The following PUM3 variants were observed in gnomAD, a reference collection of about 807,000 sequenced individuals.
The protein encoded by PUM3 is pumilio homolog 3.
A neutral mutation model predicts 84.0 loss-of-function variants in PUM3; 91 were observed. The ratio of observed to expected loss-of-function variants is 1.08; its 90% CI spans 0.91 to 1.29. The LOEUF is 1.29. Among genes scored for constraint, PUM3 ranks in the 50% most tolerant of loss-of-function variants. PUM3 has a pLI of 0.00. For synonymous variants in PUM3, 321 were observed against 266.7 expected, an observed-to-expected ratio of 1.20 and a Z score of -1.98; for missense variants, 1,067 against 767.5, an observed-to-expected ratio of 1.39 and a Z score of -4.61.
intron 13 of PUM3, among the ~76,000 whole-genome samples, chr9:2,813,576 C>T (rs2129801729): frequency 6.6e-6 from 1 of 152,310 alleles, no homozygotes; most frequent in Non-Finnish European, 1.5e-5. Context: ...AACATAAAAC[C>T]TCCTCTTAAG....
rs1470933513 is a variant in PUM3 at position 2,804,463 on chromosome 9, G to A, written c.1815C>T (p.Ser605=). Residue 605 remains serine (S), a splice_region_variant and synonymous_variant, in exon 18 of 18, where the codon AGC becomes AGT. Coordinates refer to ENST00000397885, the MANE Select transcript of PUM3 (RefSeq NM_014878.5). ...CTTCCAGGTCACAACTCTGGAGGAG[G>A]CTGAAGAGAGGAAAAAAATTAAATT... ...SVNRGAIILS[S]LLQSCDLEVA... 4 of 1,608,008 alleles carry A rather than the reference G, an allele frequency of 2.5e-6. No homozygotes were observed. Among genetic ancestry groups the A allele is most frequent in the African/African-American group, 1.3e-5 (1 of 74,412 alleles).
chr9:2,811,523 T>A lies in PUM3; in HGVS notation c.1473A>T (p.Leu491Phe). Residue 491 changes from leucine (L) to phenylalanine (F), a missense_variant, in exon 15 of 18, where the codon TTA becomes TTT. Transcript: ENST00000397885. ...ELLESISPAL[L>F]SYLQEHAQEV... The stretch of plus-strand genomic sequence containing the variant: ...CTTGGGCGTGTTCTTGCAGGTAGCT[T>A]AACAAAGCTGGAGAAATGGATTCTA... 1 of 1,614,156 alleles carries A rather than the reference T, an allele frequency of 6.2e-7. No homozygotes were observed. The highest frequency in any genetic ancestry group is 8.5e-7 in the Non-Finnish European group (1 of 1,180,012).
chr9:2,828,817 A>G, intron 8 of PUM3, 39 bp from the exon 9 acceptor site: 1 of 1,143,442 alleles, frequency 8.7e-7, no homozygotes, highest in Non-Finnish European at 1.3e-6. Flanking sequence ...TCTAAATTTA[A>G]TCAATTTTTT....
chr9:2,824,249 T>C (rs912051896), intron 11 of PUM3, among the ~76,000 whole-genome samples: 2 of 152,214 alleles, frequency 1.3e-5, no homozygotes, highest in African/African-American at 4.8e-5. Flanking sequence ...AAAGGCAGAA[T>C]TATGCTGACC....
chr9:2,832,181 C>T (rs1816001241), intron 5 of PUM3, among the ~76,000 whole-genome samples: 1 of 152,076 alleles, frequency 6.6e-6, no homozygotes, highest in Admixed American at 6.6e-5. Flanking sequence ...TTAAGTATCT[C>T]TTAAAAAAAT....
In PUM3 at chr9:2,812,842, T is replaced by G. The variant is rs143154804; in HGVS notation, c.1270-480A>C. 2.5e-3 allele frequency among the ~76,000 whole-genome samples: 386 copies of G among 152,342 alleles called. 1 individual carries two copies. The highest frequency in any genetic ancestry group is 9.2e-3 in the African/African-American group (381 of 41,580). ...TGGCCAGTATTTCTTGGGCCACTAT[T>G]ACTAGGGACATCACTTGCTGAGGTC... is the stretch of plus-strand genomic sequence containing the variant. On this transcript the variant is annotated intron_variant, in intron 13 of 17. Coordinates refer to ENST00000397885, the MANE Select transcript of PUM3 (RefSeq NM_014878.5).
At chr9:2,836,479 T>C (rs1337429397) in intron 3 of PUM3, among the ~76,000 whole-genome samples, 6 of 152,192 alleles carry the variant, frequency 3.9e-5, no homozygotes, top group Non-Finnish European at 7.3e-5. Context: ...CCACTGAACA[T>C]CGTTGACAGA....
chr9:2,816,669 C>G (rs765903252), intron 13 of PUM3, among the ~76,000 whole-genome samples: 3 of 152,276 alleles, frequency 2.0e-5, no homozygotes, highest in African/African-American at 7.2e-5. Context: ...TTGTCTCACA[C>G]CTGGCCTGGC....
At position 2,804,214 on chromosome 9, in the gene PUM3, C is replaced by A; in HGVS notation, c.*117G>T. On this transcript the variant is annotated 3_prime_UTR_variant, in exon 18 of 18. Transcript: ENST00000397885. ...AATAGATTCGTATACAAAGAAGAAA[C>A]ACATATACAGAGTACCCCAATTACC... The A allele has an allele frequency of 3.1e-6, 3 of 960,842 alleles. No individual in the cohort carries two copies. Among genetic ancestry groups the A allele is most frequent in the Non-Finnish European group, 4.6e-6 (3 of 655,342 alleles). The allele number at this position is 960,842 out of a possible 1,614,324, so 59.5% of individuals were successfully genotyped here. A position where few individuals can be genotyped will look rare whatever the true frequency, so the allele number is the denominator to read the frequency against.
intron 1 of PUM3, among the ~76,000 whole-genome samples, chr9:2,839,703 G>A (rs1190068100): frequency 6.6e-6 from 1 of 152,128 alleles, no homozygotes; most frequent in Non-Finnish European, 1.5e-5. Context: ...CTTCCTCAGG[G>A]CATTTAGAAC....
At chr9:2,809,591 A>G (rs969246836) in intron 16 of PUM3, among the ~76,000 whole-genome samples, 3 of 152,190 alleles carry the variant, frequency 2.0e-5, no homozygotes, top group African/African-American at 7.2e-5. Flanking sequence ...ACATGAATTC[A>G]TGATCTGTCA....
At chr9:2,836,134 C>G (rs532212380) in intron 3 of PUM3, among the ~76,000 whole-genome samples, 5 of 152,226 alleles carry the variant, frequency 3.3e-5, no homozygotes, top group African/African-American at 1.2e-4. Flanking sequence ...GGCATTTCCC[C>G]TCCTTCCTCT....
intron 5 of PUM3, 50 bp from the exon 6 acceptor site, chr9:2,831,394 TCTCA>T: frequency 8.5e-7 from 1 of 1,169,806 alleles, no homozygotes; most frequent in Non-Finnish European, 1.3e-6. Flanking sequence ...GACTTATGTT[TCTCA>T]CTAATTTATT....
rs1816096385 is a variant in PUM3, at chr9:2,835,392, T to A, written c.305-1226A>T. ...ATCATCACGCCATTGCACTTCACAG[T>A]CTGGGCAACAAAGTGAGACCCTCAA... On this transcript the variant is annotated intron_variant, in intron 3 of 17. Coordinates refer to ENST00000397885, the MANE Select transcript of PUM3 (RefSeq NM_014878.5). Among the ~76,000 whole-genome samples, 3 of 152,124 alleles carry A rather than the reference T, an allele frequency of 2.0e-5. No homozygotes were observed. In the South Asian group the frequency reaches 6.2e-4, roughly 32 times the overall value.
intron 1 of PUM3, among the ~76,000 whole-genome samples, chr9:2,843,735 T>G (rs375111890): frequency 1.3e-5 from 2 of 151,818 alleles, no homozygotes; most frequent in African/African-American, 4.8e-5. Context: ...CCCGCCACCA[T>G]GCCCGGCTAA....
chr9:2,814,010 T>C (rs927474117), intron 13 of PUM3, among the ~76,000 whole-genome samples: 13 of 55,050 alleles, frequency 2.4e-4, no homozygotes, highest in African/African-American at 1.3e-3. Flanking sequence ...GTATAAAGAT[T>C]CCCATGTAAC....
In PUM3 at chr9:2,810,393, C is replaced by G. The variant is rs772546579; in HGVS notation, c.1674G>C (p.Leu558=). The G allele has an allele frequency of 1.2e-6, 2 of 1,612,472 alleles. No individual in the cohort carries two copies. Among genetic ancestry groups the G allele is most frequent in the South Asian group, 2.2e-5 (2 of 90,924 alleles). ...TTTTATCTTGCTCTATTAACCACTTCAGAACTAGATGTCCTGCAGGATGTT... is the reference window on the plus strand; with the variant it reads ...TTTTATCTTGCTCTATTAACCACTTGAGAACTAGATGTCCTGCAGGATGTT... The part of the protein sequence containing the change: ...IAEHPAGHLV[L]KWLIEQDKKM... Residue 558 remains leucine, a synonymous_variant, in exon 16 of 18, where the codon CTG becomes CTC. Coordinates refer to ENST00000397885, the MANE Select transcript of PUM3 (RefSeq NM_014878.5).
intron 9 of PUM3, among the ~76,000 whole-genome samples, chr9:2,828,073 T>C (rs1815871832): frequency 6.6e-6 from 1 of 152,142 alleles, no homozygotes; most frequent in South Asian, 2.1e-4. Flanking sequence ...AAGGTCTCAC[T>C]CTGTTGCCTA....
At chr9:2,818,460 G>A (rs912813765) in intron 13 of PUM3, among the ~76,000 whole-genome samples, 1 of 152,178 alleles carries the variant, frequency 6.6e-6, no homozygotes, top group Non-Finnish European at 1.5e-5. Flanking sequence ...AGGAAATTTG[G>A]TTTCTCTTGA....
Sources: allele counts gnomAD v4.1 joint callset (sites outside exome capture counted in the v4.1 genomes callset), GRCh38; gene constraint gnomAD v4.1.1; transcripts MANE v1.5; gene names NCBI Gene and HGNC (gene_info 2026-07-23, HGNC 2026-07-21).